The following SPATA24 variants were observed in gnomAD, a reference collection of about 807,000 sequenced individuals.
SPATA24 encodes spermatogenesis associated 24, also known as spermatogenesis-associated protein 24.
Under a neutral mutation model 28.9 loss-of-function variants are expected in SPATA24, and 21 were observed. That is an observed-to-expected ratio of 0.73 (90% CI 0.52 to 1.05). SPATA24 has a LOEUF of 1.05. SPATA24 is among the 50% of genes least tolerant of loss of function. The pLI is 0.00. For synonymous variants in SPATA24, 76 were observed against 89.9 expected, an observed-to-expected ratio of 0.85 and a Z score of 0.88; for missense variants, 215 against 242.9, an observed-to-expected ratio of 0.88 and a Z score of 0.76.
downstream of SPATA24, chr5:139,392,619 T>C (rs1005158479): frequency 5.8e-6 from 8 of 1,374,686 alleles, no homozygotes; most frequent in Non-Finnish European, 7.5e-6. This position sits in a 1 kb window ranked among gnomAD's most constrained non-coding sequence, Gnocchi z 5.8. Flanking sequence ...GGGCCGTAGG[T>C]GGTGTCTTCG....
At chr5:139,403,692 A>C (rs1758869781) in intron 1 of SPATA24, among the ~76,000 whole-genome samples, 1 of 152,126 alleles carries the variant, frequency 6.6e-6, no homozygotes. Flanking sequence ...AGGCTCAGGG[A>C]CTCTCTACCA....
At chr5:139,401,725 C>T (rs867097660) in intron 4 of SPATA24, 30 bp downstream of exon 4, 20 of 1,550,004 alleles carry the variant, frequency 1.3e-5, no homozygotes, top group Middle Eastern at 1.7e-4. Context: ...TTTATATAAC[C>T]GTGGTGGAGA....
chr5:139,393,011 CCA>C (rs1561988805), downstream of SPATA24: 1 of 1,521,376 alleles, frequency 6.6e-7, no homozygotes, highest in Admixed American at 2.2e-5. Flanking sequence ...GGGTGCGGCA[CCA>C]CCGGTAGAAA....
chr5:139,403,986 C>CTT lies in SPATA24; in HGVS notation c.74_75insAA (p.Ile26ArgfsTer8). 6.4e-7 allele frequency: 1 copy of CTT among 1,551,896 alleles called. No individual in the cohort carries two copies. Among genetic ancestry groups the CTT allele is most frequent in the Non-Finnish European group, 8.7e-7 (1 of 1,147,048 alleles). On this transcript the variant is annotated frameshift_variant, in exon 1 of 6. Coordinates refer to ENST00000450845, the MANE Select transcript of SPATA24 (RefSeq NM_194296.2). LOFTEE classifies it high-confidence loss of function. ...GGATTAGTTCCTCCTGAGACTCAAT[C>CTT]ACGTCCCGCAGTTGATCTAAAGCGA... is the stretch of plus-strand genomic sequence containing the variant.
downstream of SPATA24, chr5:139,396,255 T>C (rs1581398484): frequency 1.0e-6 from 1 of 985,382 alleles, no homozygotes; most frequent in Non-Finnish European, 1.2e-6. Flanking sequence ...TGCTGCTCCA[T>C]CCCATCCAGC....
chr5:139,403,836 T>C, intron 1 of SPATA24, 108 bp downstream of exon 1: 4 of 939,286 alleles, frequency 4.3e-6, no homozygotes, highest in South Asian at 1.5e-5. Flanking sequence ...GATGACGCCA[T>C]GGGCCATGCG....
downstream of SPATA24, chr5:139,394,652 A>G: frequency 6.5e-7 from 1 of 1,534,872 alleles, no homozygotes; most frequent in Admixed American, 2.0e-5. Flanking sequence ...CCCGGCGGCA[A>G]GGGGCTGATG....
downstream of SPATA24, chr5:139,394,307 G>C (rs1344479473): frequency 6.6e-7 from 1 of 1,505,594 alleles, no homozygotes. Flanking sequence ...TCGGGGCTCA[G>C]TTTTCTGGCC....
downstream of SPATA24, chr5:139,393,571 C>T: frequency 6.4e-7 from 1 of 1,551,080 alleles, no homozygotes; most frequent in Non-Finnish European, 8.7e-7. Context: ...TGGAGCCTCC[C>T]ACGGGAAGAA....
Position 139,404,064 on chromosome 5 carries a change from C to T in SPATA24, c.-4G>A, listed in dbSNP as rs1375470656. ...ACCACCCGAGGGGCGTCGCCATCTT[C>T]CGCCCCCGCCAGCTAGTTGGAAATG... On this transcript the variant is annotated 5_prime_UTR_variant, in exon 1 of 6. Coordinates refer to ENST00000450845, the MANE Select transcript of SPATA24 (RefSeq NM_194296.2). 2.2e-5 allele frequency: 34 copies of T among 1,550,532 alleles called. No individual in the cohort carries two copies. Among genetic ancestry groups the T allele is most frequent in the Admixed American group, 5.9e-5 (3 of 50,978 alleles).
chr5:139,402,164 C>T lies in SPATA24; in HGVS notation c.184-119G>A. Reference sequence around the variant, plus strand: ...AAGCCAGAGCACAGGGAGATTCTGGCCACCTTGCTACAGGGGCTGGAGGTT... The same window carrying T: ...AAGCCAGAGCACAGGGAGATTCTGGTCACCTTGCTACAGGGGCTGGAGGTT... On this transcript the variant is annotated intron_variant, in intron 2 of 5. Transcript: ENST00000450845. The T allele has an allele frequency of 4.6e-6, 6 of 1,300,634 alleles. No homozygotes were observed. In the South Asian group the frequency reaches 9.5e-5, roughly 21 times the overall value. The allele number at this position is 1,300,634 out of a possible 1,614,324, so 80.6% of individuals were successfully genotyped here.
At chr5:139,392,679 G>A (rs1348089667), downstream of SPATA24, 1 of 1,395,662 alleles carries the variant, frequency 7.2e-7, no homozygotes, top group Non-Finnish European at 9.3e-7. The surrounding 1 kb of genome is among the most constrained non-coding windows in gnomAD (Gnocchi z 5.8). Context: ...GAGGGGAGCC[G>A]GGGCGGGGCG....
Position 139,404,079 on chromosome 5 carries a change from A to T in SPATA24, c.-19T>A, listed in dbSNP as rs1329483937. 3 of 1,543,532 alleles carry T rather than the reference A, an allele frequency of 1.9e-6. No individual in the cohort carries two copies. In the African/African-American group the frequency reaches 4.1e-5, roughly 21 times the overall value. ...TCGCCATCTTCCGCCCCCGCCAGCT[A>T]GTTGGAAATGGCTGCCTCGGGGGTG... On this transcript the variant is annotated 5_prime_UTR_variant, in exon 1 of 6. Coordinates refer to ENST00000450845, the MANE Select transcript of SPATA24 (RefSeq NM_194296.2).
chr5:139,394,928 CT>C, downstream of SPATA24: 1 of 1,520,120 alleles, frequency 6.6e-7, no homozygotes, highest in Non-Finnish European at 8.8e-7. Flanking sequence ...TTCGCTGGGC[CT>C]TTCGCGTCCG....
At position 139,397,082 on chromosome 5, in the gene SPATA24, T is replaced by A; in HGVS notation, c.447A>T (p.Lys149Asn). 1 of 1,551,936 alleles carries A rather than the reference T, an allele frequency of 6.4e-7. No homozygotes were observed. Among genetic ancestry groups the A allele is most frequent in the East Asian group, 2.4e-5 (1 of 40,924 alleles). Residue 149 changes from lysine to asparagine, a missense_variant, in exon 5 of 6, where the codon AAA (lysine) becomes AAT (asparagine). Coordinates refer to ENST00000450845, the MANE Select transcript of SPATA24 (RefSeq NM_194296.2). The stretch of plus-strand genomic sequence containing the variant: ...GCTGGCTGATAACTTGCTGCAACTC[T>A]TTAATCTCATTCTCTTTGCCATTAA... ...DILNGKENEIKELQQVISQQK... is the reference protein window; with the variant it reads ...DILNGKENEINELQQVISQQK...
downstream of SPATA24, chr5:139,394,368 G>T: frequency 7.1e-7 from 1 of 1,414,202 alleles, no homozygotes; most frequent in Non-Finnish European, 9.2e-7. Context: ...CCAGCGACTC[G>T]TCCAGGGAAC....
At chr5:139,396,525 A>G, downstream of SPATA24, 1 of 1,262,572 alleles carries the variant, frequency 7.9e-7, no homozygotes, top group Non-Finnish European at 1.0e-6. Flanking sequence ...TCAAGTTGGG[A>G]AGTTAAATTT....
chr5:139,396,999 C>T (rs898172591), intron 5 of SPATA24, 42 bp downstream of exon 5: 2 of 1,551,486 alleles, frequency 1.3e-6, no homozygotes, highest in South Asian at 1.2e-5. Flanking sequence ...GTCTGGCTCC[C>T]CAGTGTCATC....
At chr5:139,395,257 T>G, downstream of SPATA24, 1 of 528,804 alleles carries the variant, frequency 1.9e-6, no homozygotes, top group Non-Finnish European at 3.0e-6. Flanking sequence ...CACCCTTCCC[T>G]GTCCAGCCCC....
Sources: allele counts gnomAD v4.1 joint callset (sites outside exome capture counted in the v4.1 genomes callset), GRCh38; gene constraint gnomAD v4.1.1; non-coding constraint Gnocchi (gnomAD v3.1); transcripts MANE v1.5; gene names NCBI Gene and HGNC (gene_info 2026-07-23, HGNC 2026-07-21).